Variants in SLITRK5 observed in about 807,000 individuals in gnomAD.
SLITRK5 encodes SLIT and NTRK-like protein 5.
In SLITRK5, 23 loss-of-function variants were observed where a neutral mutation model predicts 56.2. The observed-to-expected ratio is 0.41, with a 90% CI of 0.29 to 0.58. The LOEUF (loss-of-function observed/expected upper bound fraction) is 0.58, where lower values mean the gene tolerates loss of function less well. Ranked by LOEUF, SLITRK5 falls within the 20% of genes least tolerant of loss-of-function variation. The pLI, the probability that SLITRK5 is intolerant of heterozygous loss-of-function variation, is 0.30. For synonymous variants in SLITRK5, 637 were observed against 531.8 expected (o/e 1.20, Z -2.72); for missense variants, 1,289 against 1,226.6 (o/e 1.05, Z -0.76).
At chr13:87,673,999 C>T (rs1040143941) in intron 1 of SLITRK5, among the ~76,000 whole-genome samples, 3 of 122,316 alleles carry the variant, frequency 2.5e-5, no homozygotes, top group South Asian at 3.0e-4. Flanking sequence ...CGCGCGCGCG[C>T]ACACACAAAC....
rs1485793146 is a variant in SLITRK5 at position 87,677,645 on chromosome 13, C to T, written c.2257C>T (p.Pro753Ser). The T allele has an allele frequency of 1.2e-6, 2 of 1,608,144 alleles. No individual in the cohort carries two copies. Among genetic ancestry groups the T allele is most frequent in the African/African-American group, 1.3e-5 (1 of 74,768 alleles). ...TPAGHVYEYI[P>S]HPLGHMCKNP... The stretch of plus-strand genomic sequence containing the variant: ...CGCGGGCCACGTGTATGAATACATC[C>T]CCCACCCACTGGGCCACATGTGCAA... Residue 753 changes from proline to serine, a missense_variant, in exon 2 of 2, where the codon CCC becomes TCC. Pro to Ser is a moderately conservative substitution (Grantham distance 74). Coordinates refer to ENST00000683689, the MANE Select transcript of SLITRK5 (RefSeq NM_001384609.1). The surrounding 1 kb of genome is among the most constrained non-coding windows in gnomAD (Gnocchi z 4.7).
At chr13:87,674,978 A>T (rs1312581675) in intron 1 of SLITRK5, among the ~76,000 whole-genome samples, 1 of 151,578 alleles carries the variant, frequency 6.6e-6, no homozygotes, top group Non-Finnish European at 1.5e-5. Context: ...GGCTGGGTAT[A>T]GGTGAGGTGG....
chr13:87,674,033 C>CACACAT (rs1263521622), intron 1 of SLITRK5, among the ~76,000 whole-genome samples: 1 of 151,974 alleles, frequency 6.6e-6, no homozygotes, highest in African/African-American at 2.4e-5. Context: ...CACACACACA[C>CACACAT]ACACACACGC....
rs1457219270 is a variant in SLITRK5 at position 87,679,273 on chromosome 13, A to G, written c.*1008A>G. 1 of 167,080 alleles carries G rather than the reference A, an allele frequency of 6.0e-6. No individual in the cohort carries two copies. The highest frequency in any genetic ancestry group is 2.4e-5 in the African/African-American group (1 of 41,462). 10.3% of individuals were successfully genotyped at this position (167,080 alleles called of 1,614,324 possible). On this transcript the variant is annotated 3_prime_UTR_variant, in exon 2 of 2. Transcript: ENST00000683689. ...CAATTGATTGGGCCATTCCGAGAGA[A>G]TTGTTTGCAAGTTTTGGGTTTTATT...
rs1483784970 is a variant in SLITRK5, at chr13:87,676,338, C to T, written c.950C>T (p.Ala317Val). Reference protein sequence around the residue: ...HTTPASVNSVATSSSAVYKPP... With the variant: ...HTTPASVNSVVTSSSAVYKPP... Reference sequence around the variant, plus strand: ...ACCCCGGCGTCAGTGAATTCTGTGGCCACTTCTTCCTCTGCTGTTTACAAA... The same window carrying T: ...ACCCCGGCGTCAGTGAATTCTGTGGTCACTTCTTCCTCTGCTGTTTACAAA... Residue 317 changes from alanine (A) to valine (V), a missense_variant, in exon 2 of 2, where the codon GCC becomes GTC. Physicochemically the swap from Ala to Val is moderately conservative, Grantham distance 64. This residue lies in a region of SLITRK5 where 985 missense variants were observed against 906.0 expected (regional missense o/e 1.09). Transcript: ENST00000683689. The T allele has an allele frequency of 6.2e-7, 1 of 1,614,148 alleles. No homozygotes were observed. Among genetic ancestry groups the T allele is most frequent in the Admixed American group, 1.7e-5 (1 of 60,018 alleles).
rs911944431 is a variant in SLITRK5 at position 87,675,402 on chromosome 13, G to T, written c.14G>T (p.Cys5Phe). 1.2e-6 allele frequency: 2 copies of T among 1,613,586 alleles called. No homozygotes were observed. Among genetic ancestry groups the T allele is most frequent in the South Asian group, 1.1e-5 (1 of 91,068 alleles). MHTCCPPVTLEQDLH... is the reference protein window; with the variant it reads MHTCFPPVTLEQDLH... ...ACAGGAGGTAAAATGCACACTTGCTGCCCCCCAGTAACTTTGGAACAGGAC... is the reference window on the plus strand; with the variant it reads ...ACAGGAGGTAAAATGCACACTTGCTTCCCCCCAGTAACTTTGGAACAGGAC... Residue 5 changes from cysteine to phenylalanine, a missense_variant, in exon 2 of 2, where the codon TGC (cysteine) becomes TTC (phenylalanine). This residue lies in a region of SLITRK5 where 291 missense variants were observed against 286.7 expected (regional missense o/e 1.02). Transcript: ENST00000683689.
rs1432607630 is a variant in SLITRK5, at chr13:87,678,949, T to G, written c.*684T>G. On this transcript the variant is annotated 3_prime_UTR_variant, in exon 2 of 2. Coordinates refer to ENST00000683689, the MANE Select transcript of SLITRK5 (RefSeq NM_001384609.1). ...AGCTATATGATCCATAATTGATTAG[T>G]CAAAATAACTTATTGATGAAATATA... is the stretch of plus-strand genomic sequence containing the variant. 1 of 166,534 alleles carries G rather than the reference T, an allele frequency of 6.0e-6. No homozygotes were observed. The allele number at this position is 166,534 out of a possible 1,614,324, so 10.3% of individuals were successfully genotyped here.
intron 1 of SLITRK5, chr13:87,673,508 G>C (rs529825786): frequency 1.4e-5 from 17 of 1,230,370 alleles, no homozygotes; most frequent in Non-Finnish European, 1.3e-5. Context: ...AGGGAGGGAG[G>C]GGGAGGGGAC....
In SLITRK5 at chr13:87,677,507, G is replaced by C. The variant is rs1390382828; in HGVS notation, c.2119G>C (p.Val707Leu). ...CCACACCAGCACCAACAACTCCGAC[G>C]TGAGCTCCTTTAACATGCAGTACAG... is the stretch of plus-strand genomic sequence containing the variant. Reference protein sequence around the residue: ...SDHTSTNNSDVSSFNMQYSVY... With the variant: ...SDHTSTNNSDLSSFNMQYSVY... The change falls in exon 2 of 2, where the codon GTG becomes CTG. Residue 707 changes from valine to leucine, a missense_variant. This residue lies in a region of SLITRK5 where 985 missense variants were observed against 906.0 expected (regional missense o/e 1.09). Transcript: ENST00000683689. This position sits in a 1 kb window ranked among gnomAD's most constrained non-coding sequence, Gnocchi z 4.7. 2 of 1,611,842 alleles carry C rather than the reference G, an allele frequency of 1.2e-6. No homozygotes were observed. Among genetic ancestry groups the C allele is most frequent in the Admixed American group, 1.7e-5 (1 of 60,024 alleles).
chr13:87,674,832 G>A (rs1877200241), intron 1 of SLITRK5, among the ~76,000 whole-genome samples: 1 of 151,940 alleles, frequency 6.6e-6, no homozygotes, highest in African/African-American at 2.4e-5. Context: ...GTATCCTTTA[G>A]GTTCCCACCG....
At position 87,675,758 on chromosome 13, in the gene SLITRK5, G is replaced by T. The variant is rs1877245813; in HGVS notation, c.370G>T (p.Ala124Ser). The T allele has an allele frequency of 1.2e-6, 2 of 1,614,002 alleles. No individual in the cohort carries two copies. The highest frequency in any genetic ancestry group is 2.7e-5 in the African/African-American group (2 of 74,884). Reference protein sequence around the residue: ...SNVIQDIETGAFHGLRGLRRL... With the variant: ...SNVIQDIETGSFHGLRGLRRL... ...TGTTATCCAGGACATTGAGACCGGGGCTTTCCATGGGCTACGGGGTTTGAG... is the reference window on the plus strand; with the variant it reads ...TGTTATCCAGGACATTGAGACCGGGTCTTTCCATGGGCTACGGGGTTTGAG... Residue 124 changes from alanine (A) to serine (S), a missense_variant, in exon 2 of 2, where the codon GCT becomes TCT. By Grantham distance (99) the Ala-to-Ser change is moderately conservative (BLOSUM62 1). Around this residue, in one of 3 missense-constraint regions of SLITRK5, gnomAD observed 291 missense variants for 286.7 expected, o/e 1.02. Transcript: ENST00000683689.
chr13:87,677,350 A>C lies in SLITRK5; in HGVS notation c.1962A>C (p.Ala654=). The C allele has an allele frequency of 1.9e-6, 3 of 1,614,044 alleles. No individual in the cohort carries two copies. The South Asian group carries it at 3.3e-5, about 18-fold the overall frequency. Residue 654 remains alanine, a synonymous_variant, in exon 2 of 2, where the codon GCA becomes GCC. Transcript: ENST00000683689. This position sits in a 1 kb window ranked among gnomAD's most constrained non-coding sequence, Gnocchi z 4.7. ...NSTGAPASLG[A]GGGASSVPLS... ...CCGGGGCCCCCGCGAGCTTGGGCGC[A>C]GGCGGAGGGGCGTCGTCGGTGCCCT...
Position 87,678,530 on chromosome 13 carries a change from A to C in SLITRK5, c.*265A>C. The C allele has an allele frequency of 2.2e-6, 1 of 448,760 alleles. No homozygotes were observed. The highest frequency in any genetic ancestry group is 4.1e-6 in the Non-Finnish European group (1 of 244,688). 27.8% of individuals were successfully genotyped at this position (448,760 alleles called of 1,614,324 possible). A position where few individuals can be genotyped will look rare whatever the true frequency, so the allele number is the denominator to read the frequency against. On this transcript the variant is annotated 3_prime_UTR_variant, in exon 2 of 2. Coordinates refer to ENST00000683689, the MANE Select transcript of SLITRK5 (RefSeq NM_001384609.1). ...GTGGAGAAGGGCTTTAAGGAGGCCA[A>C]TTTGCTGCGCGGGTGACCTGTGAAA...
chr13:87,672,854 G>GGGGT (rs1877094664), intron 1 of SLITRK5: 1 of 127,908 alleles, frequency 7.8e-6, no homozygotes, highest in Non-Finnish European at 1.6e-5. Context: ...TTGCAAAAGA[G>GGGGT]GTGTGTGTGT....
chr13:87,676,211 T>A lies in SLITRK5; in HGVS notation c.823T>A (p.Leu275Met), dbSNP rs367825699. Reference protein sequence around the residue: ...ETPFRLHGRDLDEVSKQELCP... With the variant: ...ETPFRLHGRDMDEVSKQELCP... ...CCCCTTCCGCTTACACGGAAGGGACTTGGACGAGGTATCCAAGCAGGAACT... is the reference window on the plus strand; with the variant it reads ...CCCCTTCCGCTTACACGGAAGGGACATGGACGAGGTATCCAAGCAGGAACT... Residue 275 changes from leucine to methionine, a missense_variant, in exon 2 of 2, where the codon TTG becomes ATG. This residue lies in a region of SLITRK5 where 985 missense variants were observed against 906.0 expected (regional missense o/e 1.09). Transcript: ENST00000683689. 1 of 1,614,100 alleles carries A rather than the reference T, an allele frequency of 6.2e-7. No individual in the cohort carries two copies. Among genetic ancestry groups the A allele is most frequent in the East Asian group, 2.2e-5 (1 of 44,848 alleles).
intron 1 of SLITRK5, chr13:87,672,555 C>G (rs1221412349): frequency 6.6e-6 from 1 of 152,026 alleles, no homozygotes; most frequent in Non-Finnish European, 1.5e-5. Context: ...TCTCCACCCC[C>G]CAACCCTGCT....
chr13:87,675,317 T>C (rs1336105246), intron 1 of SLITRK5, 64 bp from the exon 2 acceptor site: 3 of 1,193,624 alleles, frequency 2.5e-6, no homozygotes, highest in Non-Finnish European at 1.2e-6. Flanking sequence ...AGAGAGACTT[T>C]CTGACTGATC....
At position 87,675,798 on chromosome 13, in the gene SLITRK5, A is replaced by G; in HGVS notation, c.410A>G (p.Asn137Ser). 6.2e-7 allele frequency: 1 copy of G among 1,614,108 alleles called. No individual in the cohort carries two copies. The highest frequency in any genetic ancestry group is 8.5e-7 in the Non-Finnish European group (1 of 1,180,030). Residue 137 changes from asparagine (N) to serine (S), a missense_variant, in exon 2 of 2, where the codon AAC becomes AGC. Around this residue, in one of 3 missense-constraint regions of SLITRK5, gnomAD observed 291 missense variants for 286.7 expected, o/e 1.02. Coordinates refer to ENST00000683689, the MANE Select transcript of SLITRK5 (RefSeq NM_001384609.1). ...GLRGLRRLHL[N>S]NNKLELLRDD... Reference sequence around the variant, plus strand: ...CGGGGTTTGAGGAGATTGCATCTAAACAATAATAAACTGGAACTTCTGCGA... The same window carrying G: ...CGGGGTTTGAGGAGATTGCATCTAAGCAATAATAAACTGGAACTTCTGCGA...
In SLITRK5 at chr13:87,677,428, G is replaced by C; in HGVS notation, c.2040G>C (p.Val680=). ...LLLVFIMSVF[V]AAGLFVLVMK... ...TGGTTTTCATCATGTCCGTCTTCGT[G>C]GCCGCCGGGCTCTTCGTGCTGGTCA... Residue 680 remains valine (V), a synonymous_variant, in exon 2 of 2, where the codon GTG becomes GTC. Transcript: ENST00000683689. The surrounding 1 kb of genome is among the most constrained non-coding windows in gnomAD (Gnocchi z 4.7). 1.9e-6 allele frequency: 3 copies of C among 1,613,438 alleles called. No individual in the cohort carries two copies. The highest frequency in any genetic ancestry group is 2.5e-6 in the Non-Finnish European group (3 of 1,180,010).
Sources: gnomAD v4.1 joint callset for allele counts (sites outside exome capture counted in the v4.1 genomes callset) on GRCh38, gnomAD v4.1.1 for gene constraint, gnomAD v4.1.1 regional missense constraint, Gnocchi (gnomAD v3.1) non-coding constraint, MANE v1.5 for transcripts, NCBI Gene and HGNC (gene_info 2026-07-23, HGNC 2026-07-21) for gene names.